The following NCALD variants were observed in gnomAD, a reference collection of about 807,000 sequenced individuals.
NCALD encodes the protein neurocalcin delta, also known as neurocalcin-delta.
Under a neutral mutation model 18.6 loss-of-function variants are expected in NCALD, and 10 were observed. The ratio of observed to expected loss-of-function variants is 0.54; its 90% CI spans 0.33 to 0.91. The LOEUF is 0.91. NCALD is among the 40% of genes least tolerant of loss of function. The pLI is 0.03. For synonymous variants in NCALD, 88 were observed against 87.4 expected (o/e 1.01, Z -0.04); for missense variants, 184 against 247.6 (o/e 0.74, Z 1.72).
chr8:101,992,997 G>A (rs868172790), intron 2 of NCALD, among the ~76,000 whole-genome samples: 2 of 147,508 alleles, frequency 1.4e-5, no homozygotes, highest in African/African-American at 2.5e-5. Context: ...AAGATAAGCC[G>A]AGGAACCAGG....
chr8:101,845,869 A>G (rs1814848208), intron 4 of NCALD, among the ~76,000 whole-genome samples: 1 of 152,118 alleles, frequency 6.6e-6, no homozygotes, highest in Admixed American at 6.5e-5. Context: ...ACTATCAGCC[A>G]TTCCACTCTC....
At chr8:101,808,292 C>A (rs73698845) in intron 4 of NCALD, among the ~76,000 whole-genome samples, 1 of 152,094 alleles carries the variant, frequency 6.6e-6, no homozygotes, top group African/African-American at 2.4e-5. Flanking sequence ...TCAGGTCTTA[C>A]AATTGTGGAA....
At chr8:101,974,989 C>T (rs17496928) in intron 2 of NCALD, among the ~76,000 whole-genome samples, 8,036 of 152,222 alleles carry the variant, frequency 0.053, 306 homozygotes, top group Non-Finnish European at 0.082. Context: ...AACATTTGAG[C>T]AAGACAGAAC....
At chr8:101,934,629 G>C (rs1311201739) in intron 2 of NCALD, among the ~76,000 whole-genome samples, 2 of 151,684 alleles carry the variant, frequency 1.3e-5, no homozygotes, top group East Asian at 3.9e-4. Flanking sequence ...ACAATAGAAA[G>C]AAAGCCATGA....
At chr8:101,848,418 G>A (rs1332831005) in intron 4 of NCALD, among the ~76,000 whole-genome samples, 1 of 152,098 alleles carries the variant, frequency 6.6e-6, no homozygotes, top group Non-Finnish European at 1.5e-5. Context: ...TAAGTTCTAG[G>A]TGAGCTATTA....
At chr8:101,837,981 C>G (rs538025055) in intron 4 of NCALD, among the ~76,000 whole-genome samples, 3 of 152,158 alleles carry the variant, frequency 2.0e-5, no homozygotes, top group Non-Finnish European at 4.4e-5. Flanking sequence ...CTTATATACC[C>G]CTACTCCCTC....
intron 2 of NCALD, among the ~76,000 whole-genome samples, chr8:101,944,184 G>A (rs1018683201): frequency 3.3e-5 from 5 of 152,120 alleles, no homozygotes; most frequent in African/African-American, 7.2e-5. Context: ...TGAGGAGTTC[G>A]TCTCCTATCA....
chr8:101,810,618 C>G (rs1426421488), intron 4 of NCALD, among the ~76,000 whole-genome samples: 1 of 152,058 alleles, frequency 6.6e-6, no homozygotes, highest in East Asian at 1.9e-4. Flanking sequence ...AAACCACAGC[C>G]TAGGATAATA....
At chr8:101,934,334 G>T (rs915075723) in intron 2 of NCALD, among the ~76,000 whole-genome samples, 1 of 152,108 alleles carries the variant, frequency 6.6e-6, no homozygotes, top group African/African-American at 2.4e-5. Flanking sequence ...AAAATGAGTG[G>T]GGAGAGCAAG....
chr8:101,874,000 G>A (rs752509740), intron 4 of NCALD, among the ~76,000 whole-genome samples: 38 of 152,142 alleles, frequency 2.5e-4, no homozygotes, highest in Admixed American at 1.2e-3. Context: ...TTTCACCCCA[G>A]GAAATAGTAG....
At chr8:101,985,087 A>G (rs1224357181) in intron 2 of NCALD, among the ~76,000 whole-genome samples, 2 of 152,184 alleles carry the variant, frequency 1.3e-5, no homozygotes, top group Non-Finnish European at 2.9e-5. Context: ...AACCCAAGTT[A>G]CTCACATAAA....
At chr8:101,903,735 G>A (rs1162215974) in intron 3 of NCALD, among the ~76,000 whole-genome samples, 1 of 152,200 alleles carries the variant, frequency 6.6e-6, no homozygotes, top group East Asian at 1.9e-4. Context: ...CTTACCAGCA[G>A]AGAGGAAAAG....
chr8:101,901,518 T>A (rs911900441), intron 3 of NCALD, among the ~76,000 whole-genome samples: 5 of 152,046 alleles, frequency 3.3e-5, no homozygotes, highest in African/African-American at 7.2e-5. Context: ...TTTAGGTATA[T>A]CTCTTTATCT....
intron 4 of NCALD, among the ~76,000 whole-genome samples, chr8:101,840,632 A>G (rs1004387206): frequency 1.3e-5 from 2 of 152,202 alleles, no homozygotes; most frequent in Admixed American, 6.5e-5. Context: ...CCATAAAGCA[A>G]GCAGGACAAG....
rs1416185251 is a variant in NCALD at position 101,893,872 on chromosome 8, G to C, written c.-106-6645C>G. Among the ~76,000 whole-genome samples, 6 of 145,762 alleles carry C rather than the reference G, an allele frequency of 4.1e-5. 1 individual carries two copies. Among genetic ancestry groups the C allele is most frequent in the Admixed American group, 1.3e-4 (2 of 14,850 alleles). On this transcript the variant is annotated intron_variant, in intron 3 of 6. Transcript: ENST00000311028. ...CACCCAGATTCATAAAGCAAGTCCTGAGTGACCTACAAAGAGACGTAGACT... is the reference window on the plus strand; with the variant it reads ...CACCCAGATTCATAAAGCAAGTCCTCAGTGACCTACAAAGAGACGTAGACT...
chr8:101,775,437 C>T (rs1050518931), intron 1 of NCALD, among the ~76,000 whole-genome samples: 3 of 152,170 alleles, frequency 2.0e-5, no homozygotes, highest in Non-Finnish European at 4.4e-5. Context: ...TAAGAATCAC[C>T]ACAGGTTTTA....
At chr8:102,049,386 A>G (rs1823352982) in intron 1 of NCALD, among the ~76,000 whole-genome samples, 1 of 152,122 alleles carries the variant, frequency 6.6e-6, no homozygotes, top group Non-Finnish European at 1.5e-5. Flanking sequence ...ACTTCCTTTT[A>G]TCGCTGAAAA....
intron 3 of NCALD, chr8:101,887,258 A>T (rs1563859271): frequency 6.6e-6 from 1 of 152,202 alleles, no homozygotes. Context: ...CGAATATTGT[A>T]CTTGAACATT....
intron 2 of NCALD, among the ~76,000 whole-genome samples, chr8:102,013,444 A>G (rs768860639): frequency 2.0e-5 from 3 of 152,142 alleles, no homozygotes; most frequent in African/African-American, 4.8e-5. Flanking sequence ...CCCAGCCCCA[A>G]TGGATTTAGC....
Sources: gnomAD v4.1 joint callset for allele counts (sites outside exome capture counted in the v4.1 genomes callset) on GRCh38, gnomAD v4.1.1 for gene constraint, MANE v1.5 for transcripts, NCBI Gene and HGNC (gene_info 2026-07-23, HGNC 2026-07-21) for gene names.